The following ISY1 variants were observed in gnomAD, a reference collection of about 807,000 sequenced individuals.
ISY1 encodes the protein ISY1 spliceosome associated protein.
In ISY1, 12 loss-of-function variants were observed where a neutral mutation model predicts 54.4. That is an observed-to-expected ratio of 0.22 (90% CI 0.14 to 0.36). The LOEUF is 0.36. Among genes scored for constraint, ISY1 ranks in the 10% least tolerant of loss-of-function variants. ISY1 has a pLI of 1.00. For synonymous variants in ISY1, 96 were observed against 117.9 expected (o/e 0.81, Z 1.20); for missense variants, 282 against 342.2 (o/e 0.82, Z 1.39).
At chr3:129,158,675 A>G in intron 2 of ISY1, 116 bp from the exon 3 acceptor site, 15 of 1,387,808 alleles carry the variant, frequency 1.1e-5, no homozygotes, top group Non-Finnish European at 1.4e-5. Context: ...TGTCATTCAT[A>G]TACAAATATT....
chr3:129,129,934 TACCCTCC>T lies in ISY1; in HGVS notation c.*140_*146del, dbSNP rs1280208340. On this transcript the variant is annotated 3_prime_UTR_variant, in exon 11 of 11. Coordinates refer to ENST00000393295, the MANE Select transcript of ISY1 (RefSeq NM_020701.4). ...ACCAGGAAGACCAGGGACAGACCCCTACCCTCCGGTCAACATGAGACAAGGAGAGGGA... is the reference window on the plus strand; with the variant it reads ...ACCAGGAAGACCAGGGACAGACCCCTGGTCAACATGAGACAAGGAGAGGGA... 32 of 589,816 alleles carry T rather than the reference TACCCTCC, an allele frequency of 5.4e-5. No homozygotes were observed. The highest frequency in any genetic ancestry group is 8.7e-5 in the Non-Finnish European group (30 of 344,748). 36.5% of individuals were successfully genotyped at this position (589,816 alleles called of 1,614,324 possible).
At position 129,134,718 on chromosome 3, in the gene ISY1, T is replaced by C. The variant is rs578251705; in HGVS notation, c.541+114A>G. ...GCAGACCATCACGCCTGAAGATCAT[T>C]AGCAACAAAGAAAACTCCCTTCTGG... On this transcript the variant is annotated intron_variant, in intron 8 of 10. Coordinates refer to ENST00000393295, the MANE Select transcript of ISY1 (RefSeq NM_020701.4). 6.4e-5 allele frequency: 88 copies of C among 1,376,178 alleles called. No homozygotes were observed. The East Asian group carries it at 2.6e-3, about 40-fold the overall frequency. The allele number at this position is 1,376,178 out of a possible 1,614,324, so 85.2% of individuals were successfully genotyped here.
intron 8 of ISY1, 155 bp downstream of exon 8, chr3:129,134,677 A>G (rs1936337302): frequency 2.7e-6 from 3 of 1,102,114 alleles, no homozygotes; most frequent in South Asian, 1.6e-5. Flanking sequence ...ACTGCCTCAC[A>G]GGGGTCAGGG....
At position 129,160,990 on chromosome 3, in the gene ISY1, C is replaced by A; in HGVS notation, c.-15G>T. On this transcript the variant is annotated 5_prime_UTR_variant, in exon 1 of 11. Transcript: ENST00000393295. ...CTACTCACCATGGTGTCGCTAAGGG[C>A]GCCGTCCTGGAGCCCCGCGGCCCCT... 2 of 1,502,924 alleles carry A rather than the reference C, an allele frequency of 1.3e-6. No homozygotes were observed. The highest frequency in any genetic ancestry group is 1.8e-6 in the Non-Finnish European group (2 of 1,119,628). The allele number at this position is 1,502,924 out of a possible 1,614,324, so 93.1% of individuals were successfully genotyped here.
intron 5 of ISY1, 23 bp downstream of exon 5, chr3:129,156,610 T>G: frequency 6.2e-7 from 1 of 1,610,366 alleles, no homozygotes; most frequent in Non-Finnish European, 8.5e-7. Context: ...AATCAAGCAC[T>G]TTAAAGGAAC....
intron 5 of ISY1, among the ~76,000 whole-genome samples, chr3:129,146,570 C>G (rs568205507): frequency 3.0e-4 from 46 of 152,236 alleles, no homozygotes; most frequent in African/African-American, 1.1e-3. Flanking sequence ...CAGAAGGGCT[C>G]TTACACCTGG....
intron 7 of ISY1, among the ~76,000 whole-genome samples, chr3:129,135,258 C>T (rs772932542): frequency 1.3e-5 from 2 of 151,902 alleles, no homozygotes; most frequent in East Asian, 3.9e-4. Context: ...GCAGGAGAAT[C>T]GCTTGAACCT....
Position 129,127,530 on chromosome 3 carries a change from C to T in ISY1, c.*2551G>A, listed in dbSNP as rs1389616937. On this transcript the variant is annotated 3_prime_UTR_variant, in exon 11 of 11. Transcript: ENST00000393295. ...ACCACACCCACCCAGCCAGCTTCCC[C>T]CACCCCCAGCTGTTTCCAGGCCTGG... is the stretch of plus-strand genomic sequence containing the variant. 6.6e-6 allele frequency: 1 copy of T among 152,310 alleles called. No individual in the cohort carries two copies. Among genetic ancestry groups the T allele is most frequent in the East Asian group, 1.9e-4 (1 of 5,208 alleles). The allele number at this position is 152,310 out of a possible 1,614,324, so 9.4% of individuals were successfully genotyped here.
At chr3:129,160,900 G>A in intron 1 of ISY1, 73 bp downstream of exon 1, 1 of 1,521,888 alleles carries the variant, frequency 6.6e-7, no homozygotes, top group Non-Finnish European at 8.9e-7. Flanking sequence ...CCGAATGAGC[G>A]CCCCAGGTGG....
chr3:129,149,788 C>CAAAAAAAA, intron 5 of ISY1, among the ~76,000 whole-genome samples: 1 of 83,562 alleles, frequency 1.2e-5, no homozygotes, highest in Non-Finnish European at 2.2e-5. Context: ...GACTCCAACT[C>CAAAAAAAA]AAAAAAAAAA....
chr3:129,140,254 C>A, intron 7 of ISY1, 114 bp downstream of exon 7: 2 of 865,944 alleles, frequency 2.3e-6, no homozygotes, highest in Non-Finnish European at 3.5e-6. Context: ...ATAATTCCTA[C>A]ACTATAAGGC....
intron 6 of ISY1, among the ~76,000 whole-genome samples, chr3:129,141,810 G>A (rs1190882308): frequency 2.0e-5 from 3 of 151,620 alleles, no homozygotes; most frequent in East Asian, 1.9e-4. Context: ...TAAAAAACAC[G>A]ATGCTAAGTG....
chr3:129,152,345 T>A (rs372658314), intron 5 of ISY1, among the ~76,000 whole-genome samples: 26 of 152,234 alleles, frequency 1.7e-4, no homozygotes, highest in Non-Finnish European at 3.5e-4. Flanking sequence ...GAATCTACTA[T>A]GTTTTTCCAG....
intron 5 of ISY1, among the ~76,000 whole-genome samples, chr3:129,153,981 G>A (rs1464453809): frequency 1.3e-5 from 2 of 151,828 alleles, no homozygotes; most frequent in Non-Finnish European, 1.5e-5. Flanking sequence ...CATGGCTCAC[G>A]CCTGTAATCC....
intron 5 of ISY1, among the ~76,000 whole-genome samples, chr3:129,152,726 T>C (rs1484208439): frequency 6.6e-6 from 1 of 152,118 alleles, no homozygotes; most frequent in African/African-American, 2.4e-5. Context: ...AGGTTTGATA[T>C]GCTAATGTTT....
At chr3:129,137,595 G>A (rs1366014910) in intron 7 of ISY1, among the ~76,000 whole-genome samples, 3 of 152,088 alleles carry the variant, frequency 2.0e-5, no homozygotes, top group African/African-American at 7.2e-5. Flanking sequence ...CGCTTTGGGA[G>A]GCCGAGGTGG....
Position 129,158,453 on chromosome 3 carries a change from C to A in ISY1, c.78+55G>T. ...GGATTACAGGCATGAGCCACTGCACCCAGCCTGCATTTATTCTTGATACTT... is the reference window on the plus strand; with the variant it reads ...GGATTACAGGCATGAGCCACTGCACACAGCCTGCATTTATTCTTGATACTT... On this transcript the variant is annotated intron_variant, in intron 3 of 10. Transcript: ENST00000393295. 4 of 1,608,128 alleles carry A rather than the reference C, an allele frequency of 2.5e-6. No individual in the cohort carries two copies. The South Asian group carries it at 3.3e-5, about 13-fold the overall frequency.
intron 9 of ISY1, among the ~76,000 whole-genome samples, chr3:129,130,882 T>G (rs559359240): frequency 6.6e-6 from 1 of 152,262 alleles, no homozygotes; most frequent in South Asian, 2.1e-4. Context: ...GAGACCAAGG[T>G]AGATGAGGGA....
intron 7 of ISY1, among the ~76,000 whole-genome samples, chr3:129,137,914 C>CAAA (rs1175621872): frequency 7.9e-5 from 3 of 38,114 alleles, no homozygotes; most frequent in Non-Finnish European, 1.1e-4. Flanking sequence ...GACTCCATGT[C>CAAA]AAAAAAAAAA....
Sources: gnomAD v4.1 joint callset for allele counts (sites outside exome capture counted in the v4.1 genomes callset) on GRCh38, gnomAD v4.1.1 for gene constraint, MANE v1.5 for transcripts, NCBI Gene and HGNC (gene_info 2026-07-23, HGNC 2026-07-21) for gene names.